Variants in ADK observed in about 807,000 individuals in gnomAD.
ADK encodes the protein N6,N6-dimethyladenosine kinase.
A neutral mutation model predicts 44.7 loss-of-function variants in ADK; 24 were observed. The ratio of observed to expected loss-of-function variants is 0.54; its 90% CI spans 0.39 to 0.76. The LOEUF (loss-of-function observed/expected upper bound fraction) is 0.76, where lower values mean the gene tolerates loss of function less well. ADK is among the 30% of genes least tolerant of loss of function. The pLI, the probability that ADK is intolerant of heterozygous loss-of-function variation, is 0.00. For missense variants in ADK, 321 were observed against 425.1 expected (o/e 0.76, Z 2.15); for synonymous variants, 128 against 142.6 (o/e 0.90, Z 0.73).
At chr10:74,400,146 G>C (rs1312029616) in intron 6 of ADK, among the ~76,000 whole-genome samples, 1 of 152,048 alleles carries the variant, frequency 6.6e-6, no homozygotes, top group African/African-American at 2.4e-5. Context: ...ATCAGCTTTT[G>C]GTGAAATTAA....
At chr10:74,469,839 G>A (rs573236928) in intron 6 of ADK, among the ~76,000 whole-genome samples, 13 of 152,024 alleles carry the variant, frequency 8.6e-5, no homozygotes, top group Non-Finnish European at 1.8e-4. Flanking sequence ...CTGATTCCGT[G>A]AATTTGACTA....
chr10:74,621,345 A>G (rs1266152318), intron 9 of ADK, among the ~76,000 whole-genome samples: 1 of 152,114 alleles, frequency 6.6e-6, no homozygotes, highest in Non-Finnish European at 1.5e-5. Flanking sequence ...TCCAGTGACT[A>G]TTCTTGGTGC....
chr10:74,621,763 T>C (rs1241649313), intron 9 of ADK, among the ~76,000 whole-genome samples: 1 of 152,182 alleles, frequency 6.6e-6, no homozygotes, highest in Non-Finnish European at 1.5e-5. Context: ...TGTTAAACAT[T>C]GTCCATAATA....
intron 7 of ADK, among the ~76,000 whole-genome samples, chr10:74,533,015 A>G (rs188274051): frequency 6.6e-6 from 1 of 151,916 alleles, no homozygotes; most frequent in Admixed American, 6.6e-5. Context: ...GTATTTTTCT[A>G]TATTAGCAAG....
chr10:74,542,430 A>G (rs1202454876), intron 7 of ADK, among the ~76,000 whole-genome samples: 2 of 152,036 alleles, frequency 1.3e-5, no homozygotes, highest in African/African-American at 4.8e-5. Context: ...TCTGTGTACA[A>G]TTTTTTTTGT....
At chr10:74,333,175 G>T (rs1440439078) in intron 4 of ADK, among the ~76,000 whole-genome samples, 1 of 152,226 alleles carries the variant, frequency 6.6e-6, no homozygotes, top group Non-Finnish European at 1.5e-5. Context: ...AAAATGCCTA[G>T]TGGGCTGGGA....
At chr10:74,562,972 G>A (rs1477872838) in intron 7 of ADK, among the ~76,000 whole-genome samples, 3 of 151,962 alleles carry the variant, frequency 2.0e-5, no homozygotes, top group African/African-American at 7.2e-5. Context: ...GTTTTGGTTT[G>A]GTTTTCACTT....
At chr10:74,440,068 T>C (rs1845343714) in intron 6 of ADK, among the ~76,000 whole-genome samples, 1 of 152,040 alleles carries the variant, frequency 6.6e-6, no homozygotes, top group African/African-American at 2.4e-5. Context: ...AGCTATAATA[T>C]ATTTTTCCTA....
At chr10:74,631,054 G>A (rs926158590) in intron 9 of ADK, among the ~76,000 whole-genome samples, 1 of 151,898 alleles carries the variant, frequency 6.6e-6, no homozygotes, top group Non-Finnish European at 1.5e-5. Flanking sequence ...AACTTCCAAT[G>A]TACTACAGTT....
rs116711238 is a variant in ADK, at chr10:74,685,790, A to T, written c.964+15521A>T. ...CTCGTTGGATGGGGAGGGGCAGTAT[A>T]TAGTAGGGTAGCCATATTTGAGCTT... On this transcript the variant is annotated intron_variant, in intron 10 of 10. Transcript: ENST00000539909. Among the ~76,000 whole-genome samples the T allele has an allele frequency of 5.3e-3, 812 of 152,284 alleles. 5 individuals are homozygous for T. The highest frequency in any genetic ancestry group is 0.018 in the African/African-American group (764 of 41,550).
intron 6 of ADK, among the ~76,000 whole-genome samples, chr10:74,510,934 CT>C (rs527991289): frequency 2.9e-3 from 447 of 152,256 alleles, no homozygotes; most frequent in Non-Finnish European, 4.5e-3. Context: ...TCTCAAACTC[CT>C]GGGCTCAAGA....
intron 7 of ADK, among the ~76,000 whole-genome samples, chr10:74,567,742 A>C (rs1471255448): frequency 7.7e-6 from 1 of 129,562 alleles, no homozygotes; most frequent in African/African-American, 3.0e-5. Context: ...TCTGTCGCCC[A>C]GGCTGGAGTG....
At chr10:74,522,230 C>T (rs1848864042) in intron 6 of ADK, among the ~76,000 whole-genome samples, 1 of 152,108 alleles carries the variant, frequency 6.6e-6, no homozygotes, top group South Asian at 2.1e-4. Context: ...TGTAGAGAAA[C>T]ATTAGACAAA....
intron 4 of ADK, among the ~76,000 whole-genome samples, chr10:74,358,083 A>C (rs1363628237): frequency 6.6e-6 from 1 of 152,222 alleles, no homozygotes; most frequent in African/African-American, 2.4e-5. Context: ...AAACTAAAGA[A>C]ATGGACTTAA....
At chr10:74,261,748 A>G (rs918108623) in intron 3 of ADK, among the ~76,000 whole-genome samples, 34 of 151,826 alleles carry the variant, frequency 2.2e-4, no homozygotes, top group African/African-American at 8.0e-4. Flanking sequence ...GATTCTTTAT[A>G]TGTGACCTAT....
intron 1 of ADK, among the ~76,000 whole-genome samples, chr10:74,197,619 G>T (rs1201195130): frequency 1.3e-5 from 2 of 151,224 alleles, no homozygotes; most frequent in Non-Finnish European, 2.9e-5. Context: ...AATTGCTTGA[G>T]CCCATGAGGC....
chr10:74,579,642 G>A (rs1281633889), intron 7 of ADK, among the ~76,000 whole-genome samples: 1 of 152,160 alleles, frequency 6.6e-6, no homozygotes, highest in East Asian at 1.9e-4. Flanking sequence ...GAACCCAGTG[G>A]CCCAACTGAA....
chr10:74,378,186 C>T (rs1842871680), intron 4 of ADK, among the ~76,000 whole-genome samples: 1 of 152,018 alleles, frequency 6.6e-6, no homozygotes, highest in African/African-American at 2.4e-5. Context: ...CCTGTAATCC[C>T]AGCCCCTTGA....
chr10:74,370,876 G>A (rs1260657467), intron 4 of ADK, among the ~76,000 whole-genome samples: 1 of 152,020 alleles, frequency 6.6e-6, no homozygotes, highest in Non-Finnish European at 1.5e-5. Context: ...ACCCAGGCTA[G>A]GGTAAACTTT....
Sources: gnomAD v4.1 joint callset for allele counts (sites outside exome capture counted in the v4.1 genomes callset) on GRCh38, gnomAD v4.1.1 for gene constraint, MANE v1.5 for transcripts, NCBI Gene and HGNC (gene_info 2026-07-23, HGNC 2026-07-21) for gene names.